FAM53A: variants seen among roughly 807,000 people sequenced by gnomAD.
FAM53A encodes protein FAM53A.
In FAM53A, 28 loss-of-function variants were observed where a neutral mutation model predicts 26.6. That is an observed-to-expected ratio of 1.05 (90% CI 0.78 to 1.45). The LOEUF (loss-of-function observed/expected upper bound fraction) is 1.45. FAM53A is among the 40% of genes most tolerant of loss of function. The pLI, the probability that FAM53A is intolerant of heterozygous loss-of-function variation, is 0.00. For missense variants in FAM53A, 650 were observed against 575.8 expected (o/e 1.13, Z -1.32); for synonymous variants, 290 against 253.1 (o/e 1.15, Z -1.38).
chr4:1,671,281 C>G (rs1714633868), intron 1 of FAM53A, among the ~76,000 whole-genome samples: 1 of 149,712 alleles, frequency 6.7e-6, no homozygotes, highest in African/African-American at 2.5e-5. Context: ...TCAGAGCCAC[C>G]AGCTCACAGC....
At chr4:1,647,590 C>G (rs189885557) in intron 4 of FAM53A, among the ~76,000 whole-genome samples, 18 of 152,346 alleles carry the variant, frequency 1.2e-4, no homozygotes, top group African/African-American at 3.4e-4. Context: ...GTTGCGCACG[C>G]AGACTGCACA....
At chr4:1,624,446 A>G (rs567559028) in intron 1 of FAM53A, among the ~76,000 whole-genome samples, 1 of 152,280 alleles carries the variant, frequency 6.6e-6, no homozygotes, top group Admixed American at 6.5e-5. Context: ...GACAGTGCGG[A>G]GGCTGACGGG....
chr4:1,655,420 G>T lies in FAM53A; in HGVS notation c.440C>A (p.Pro147Gln). 1 of 1,492,340 alleles carries T rather than the reference G, an allele frequency of 6.7e-7. No homozygotes were observed. The highest frequency in any genetic ancestry group is 8.9e-7 in the Non-Finnish European group (1 of 1,122,090). 92.4% of individuals were successfully genotyped at this position (1,492,340 alleles called of 1,614,324 possible). A position where few individuals can be genotyped will look rare whatever the true frequency, so the allele number is the denominator to read the frequency against. ...GCTGTCGCACCGCCTCTTGGAGACT[G>T]GAGTCCAGACCTTGGAGCTGCCGGG... ...WRPGSSKVWTPVSKRRCDSGG... is the reference protein window; with the variant it reads ...WRPGSSKVWTQVSKRRCDSGG... The change falls in exon 4 of 5, where the codon CCA (proline) becomes CAA (glutamine). Residue 147 changes from proline (P) to glutamine (Q), a missense_variant. Coordinates refer to ENST00000308132, the MANE Select transcript of FAM53A (RefSeq NM_001174070.3).
chr4:1,646,623 C>T (rs1000738236), intron 4 of FAM53A, among the ~76,000 whole-genome samples: 2 of 152,232 alleles, frequency 1.3e-5, no homozygotes, highest in African/African-American at 2.4e-5. Context: ...TGACTGAGGC[C>T]GCGGAAGGCA....
chr4:1,670,086 C>T (rs945909473), intron 1 of FAM53A, among the ~76,000 whole-genome samples: 10 of 152,188 alleles, frequency 6.6e-5, no homozygotes, highest in African/African-American at 1.7e-4. Flanking sequence ...CCACGTGAGC[C>T]GCCCCATCAG....
At chr4:1,601,930 G>C in the FAM53A span, among the ~76,000 whole-genome samples, 1 of 44,410 alleles carries the variant, frequency 2.3e-5, no homozygotes, top group Admixed American at 3.1e-4. Flanking sequence ...AGGTGGGCCA[G>C]GGGAGGTGGG....
At chr4:1,668,274 G>A (rs926386081) in intron 2 of FAM53A, among the ~76,000 whole-genome samples, 4 of 152,050 alleles carry the variant, frequency 2.6e-5, no homozygotes, top group African/African-American at 9.7e-5. Context: ...CGAGCAGCTG[G>A]GACTACAGGC....
At chr4:1,628,999 T>C (rs1423188669) in intron 1 of FAM53A, among the ~76,000 whole-genome samples, 1 of 151,856 alleles carries the variant, frequency 6.6e-6, no homozygotes, top group African/African-American at 2.4e-5. Context: ...TGAGTCCCCG[T>C]GACCGCGTGG....
intron 2 of FAM53A, among the ~76,000 whole-genome samples, chr4:1,665,725 T>G (rs981707757): frequency 6.6e-6 from 1 of 152,116 alleles, no homozygotes; most frequent in Non-Finnish European, 1.5e-5. Flanking sequence ...CCACTCACCC[T>G]GTAGGGCTCC....
At chr4:1,579,115 C>T in the FAM53A span, among the ~76,000 whole-genome samples, 2 of 151,412 alleles carry the variant, frequency 1.3e-5, no homozygotes, top group African/African-American at 4.8e-5. Flanking sequence ...CTCCCGAGCG[C>T]TCCCGAATCC....
intron 1 of FAM53A, among the ~76,000 whole-genome samples, chr4:1,634,346 A>C (rs1179917925): frequency 6.6e-6 from 1 of 151,974 alleles, no homozygotes; most frequent in Non-Finnish European, 1.5e-5. Context: ...ACCCCTCCAC[A>C]CCCGTCCACA....
downstream of FAM53A, among the ~76,000 whole-genome samples, chr4:1,637,140 G>A (rs534013416): frequency 7.2e-5 from 11 of 152,164 alleles, no homozygotes; most frequent in South Asian, 4.1e-4. Flanking sequence ...AGGGAGGTCC[G>A]GGGCTCTCAG....
At chr4:1,649,175 A>AGGGGAG (rs1214924393) in intron 4 of FAM53A, among the ~76,000 whole-genome samples, 1 of 130,976 alleles carries the variant, frequency 7.6e-6, no homozygotes, top group African/African-American at 3.0e-5. Flanking sequence ...GGGAAAGGGA[A>AGGGGAG]AGGGAAGGGG....
At chr4:1,648,190 C>CAG (rs946840531) in intron 4 of FAM53A, among the ~76,000 whole-genome samples, 32 of 152,196 alleles carry the variant, frequency 2.1e-4, no homozygotes, top group African/African-American at 6.5e-4. Flanking sequence ...GCCAGGGCAA[C>CAG]AGAGAGAGAG....
At chr4:1,656,913 G>A (rs999692308) in intron 3 of FAM53A, among the ~76,000 whole-genome samples, 8 of 152,110 alleles carry the variant, frequency 5.3e-5, no homozygotes, top group African/African-American at 1.2e-4. Flanking sequence ...TACCTGGCCC[G>A]TGAACACCAG....
chr4:1,672,349 G>A (rs13117023), intron 1 of FAM53A, among the ~76,000 whole-genome samples: 88,425 of 134,454 alleles, frequency 0.66, 27,520 homozygotes, highest in East Asian at 0.9. Flanking sequence ...TAGACCCATG[G>A]ACCCAGGAAC....
the FAM53A span, among the ~76,000 whole-genome samples, chr4:1,610,389 G>C: frequency 6.6e-6 from 1 of 152,208 alleles, no homozygotes; most frequent in Admixed American, 6.5e-5. Flanking sequence ...GACGGGCAAG[G>C]GGAGGGATGA....
intron 1 of FAM53A, among the ~76,000 whole-genome samples, chr4:1,678,300 A>C (rs1489614140): frequency 6.6e-6 from 1 of 152,206 alleles, no homozygotes; most frequent in Non-Finnish European, 1.5e-5. Context: ...CCATGATTGC[A>C]CTGCTGCACT....
the FAM53A span, among the ~76,000 whole-genome samples, chr4:1,600,521 A>C: frequency 5.9e-3 from 891 of 151,854 alleles, 13 homozygotes; most frequent in African/African-American, 0.021. Context: ...AGGGGCTGGG[A>C]CCCCACGTGT....
Sources: allele counts gnomAD v4.1 joint callset (sites outside exome capture counted in the v4.1 genomes callset), GRCh38; gene constraint gnomAD v4.1.1; transcripts MANE v1.5; gene names NCBI Gene and HGNC (gene_info 2026-07-23, HGNC 2026-07-21).